Variants in SYT7 observed in about 807,000 individuals in gnomAD.
The protein encoded by SYT7 is synaptotagmin 7.
In SYT7, 29 loss-of-function variants were observed where a neutral mutation model predicts 75.1. That is an observed-to-expected ratio of 0.39 (90% CI 0.29 to 0.53). SYT7 has a LOEUF of 0.53. Ranked by LOEUF, SYT7 falls within the 20% of genes least tolerant of loss-of-function variation. The pLI is 0.77. For missense variants in SYT7, 693 were observed against 953.2 expected, an observed-to-expected ratio of 0.73 and a Z score of 3.59; for synonymous variants, 376 against 401.7, an observed-to-expected ratio of 0.94 and a Z score of 0.76.
At chr11:61,570,966 C>A (rs372199316) in intron 1 of SYT7, among the ~76,000 whole-genome samples, 4 of 152,150 alleles carry the variant, frequency 2.6e-5, no homozygotes, top group African/African-American at 9.7e-5. Context: ...ATTAACTCAT[C>A]GAATTTTCCC....
At chr11:61,530,408 C>T (rs762444954) in intron 8 of SYT7, among the ~76,000 whole-genome samples, 25 of 152,304 alleles carry the variant, frequency 1.6e-4, no homozygotes, top group Non-Finnish European at 2.8e-4. Context: ...TGCTTTTTCC[C>T]GACGCTCTTT....
intron 4 of SYT7, among the ~76,000 whole-genome samples, 158 bp downstream of exon 4, chr11:61,547,019 T>C (rs1271262200): frequency 9.4e-5 from 14 of 149,432 alleles, no homozygotes; most frequent in African/African-American, 3.5e-4. Context: ...GTCTCCATGG[T>C]CGGCCTGCCC....
chr11:61,542,859 C>T lies in SYT7; in HGVS notation c.573-280G>A, dbSNP rs991496299. 2.0e-5 allele frequency among the ~76,000 whole-genome samples: 3 copies of T among 152,220 alleles called. No homozygotes were observed. Among genetic ancestry groups the T allele is most frequent in the African/African-American group, 4.8e-5 (2 of 41,464 alleles). ...GTGCCAGAATACCTCCTGGCTAGGC[C>T]GACCTCCCTGCCGGTCTGAGTGGGC... On this transcript the variant is annotated intron_variant, in intron 5 of 12. Coordinates refer to ENST00000539008, the MANE Select transcript of SYT7 (RefSeq NM_001365809.2). The surrounding 1 kb of genome is among the most constrained non-coding windows in gnomAD (Gnocchi z 7.8).
chr11:61,520,266 G>A (rs545349821), intron 12 of SYT7, among the ~76,000 whole-genome samples: 49 of 151,890 alleles, frequency 3.2e-4, no homozygotes, highest in Non-Finnish European at 5.6e-4. Context: ...GCTGACGCCC[G>A]TAATCCCAGC....
At position 61,533,081 on chromosome 11, in the gene SYT7, C is replaced by T; in HGVS notation, c.1108G>A (p.Gly370Ser). The change falls in exon 8 of 13, where the codon GGC (glycine) becomes AGC (serine). Residue 370 changes from glycine to serine, a missense_variant. Physicochemically the swap from Gly to Ser is moderately conservative, Grantham distance 56. This residue lies in a region of SYT7 where 487 missense variants were observed against 593.2 expected (regional missense o/e 0.82). Coordinates refer to ENST00000539008, the MANE Select transcript of SYT7 (RefSeq NM_001365809.2). ...GKAVNTAPVP[G>S]QTPHDESDRR... ...TCGGACTCATCGTGGGGTGTCTGGC[C>T]TGGCACGGGGGCTGTGTTCACCGCC... is the stretch of plus-strand genomic sequence containing the variant. The T allele has an allele frequency of 6.2e-7, 1 of 1,611,142 alleles. No individual in the cohort carries two copies. Among genetic ancestry groups the T allele is most frequent in the Non-Finnish European group, 8.5e-7 (1 of 1,178,820 alleles).
At chr11:61,578,941 C>T (rs572449550) in intron 1 of SYT7, among the ~76,000 whole-genome samples, 95 of 152,322 alleles carry the variant, frequency 6.2e-4, no homozygotes, top group African/African-American at 2.2e-3. Flanking sequence ...GAGTTGAGGG[C>T]TGCCAGCACA....
intron 6 of SYT7, among the ~76,000 whole-genome samples, chr11:61,541,789 G>A (rs2063049817): frequency 6.6e-6 from 1 of 152,100 alleles, no homozygotes; most frequent in Non-Finnish European, 1.5e-5. Context: ...TAAATTGCAG[G>A]GGAGGAGGCA....
chr11:61,582,085 TACAC>T (rs36109978), upstream of SYT7, among the ~76,000 whole-genome samples: 68 of 147,768 alleles, frequency 4.6e-4, no homozygotes, highest in Middle Eastern at 3.4e-3. Flanking sequence ...ATCACCTACA[TACAC>T]ACACACACAC....
At chr11:61,520,835 A>G (rs944713946) in intron 12 of SYT7, among the ~76,000 whole-genome samples, 15 of 152,340 alleles carry the variant, frequency 9.8e-5, no homozygotes, top group African/African-American at 3.6e-4. Context: ...AAAACAAAAC[A>G]AAACGAAACA....
In SYT7 at chr11:61,556,776, A is replaced by T. The variant is rs375963495; in HGVS notation, c.32-569T>A. 2.4e-4 allele frequency among the ~76,000 whole-genome samples: 37 copies of T among 152,310 alleles called. 1 individual carries two copies. The highest frequency in any genetic ancestry group is 8.2e-4 in the African/African-American group (34 of 41,564). On this transcript the variant is annotated intron_variant, in intron 1 of 12. Transcript: ENST00000539008. Reference sequence around the variant, plus strand: ...AGACTCACCAGCCATATGTGTAGTCAAAGGAATCTCTGGAACCCTCTGGCC... The same window carrying T: ...AGACTCACCAGCCATATGTGTAGTCTAAGGAATCTCTGGAACCCTCTGGCC...
chr11:61,538,046 C>T (rs2062920293), intron 7 of SYT7, 98 bp downstream of exon 7: 4 of 1,487,216 alleles, frequency 2.7e-6, no homozygotes, highest in Non-Finnish European at 3.6e-6. Context: ...CTGAAGGCAC[C>T]ACCACCTCGT....
chr11:61,543,978 T>A (rs2063117217), intron 5 of SYT7, among the ~76,000 whole-genome samples: 1 of 152,226 alleles, frequency 6.6e-6, no homozygotes, highest in African/African-American at 2.4e-5. Flanking sequence ...GGGAAGCCAT[T>A]GCCTGTGGGC....
intron 1 of SYT7, among the ~76,000 whole-genome samples, chr11:61,572,663 C>A (rs1442698322): frequency 1.3e-5 from 2 of 152,146 alleles, no homozygotes; most frequent in Non-Finnish European, 2.9e-5. Flanking sequence ...GTCTGTGGAC[C>A]CACCAGGCAC....
chr11:61,553,438 C>T lies in SYT7; in HGVS notation c.136-1975G>A, dbSNP rs1464282625. Among the ~76,000 whole-genome samples, 2 of 152,208 alleles carry T rather than the reference C, an allele frequency of 1.3e-5. No homozygotes were observed. Among genetic ancestry groups the T allele is most frequent in the South Asian group, 2.1e-4 (1 of 4,830 alleles). The stretch of plus-strand genomic sequence containing the variant: ...CCAGCACCCTCTCGTAAGGCAGGGC[C>T]GCTGCCCCTTCCCCGAGGCCAGGAA... On this transcript the variant is annotated intron_variant, in intron 2 of 12. Coordinates refer to ENST00000539008, the MANE Select transcript of SYT7 (RefSeq NM_001365809.2). This position sits in a 1 kb window ranked among gnomAD's most constrained non-coding sequence, Gnocchi z 5.2.
chr11:61,536,290 G>A (rs1703289320), intron 7 of SYT7, among the ~76,000 whole-genome samples: 1 of 152,220 alleles, frequency 6.6e-6, no homozygotes, highest in Admixed American at 6.5e-5. Context: ...TGAGACCTAA[G>A]TGGCAAGGAG....
At chr11:61,565,650 C>A (rs2063747009) in intron 1 of SYT7, among the ~76,000 whole-genome samples, 1 of 152,244 alleles carries the variant, frequency 6.6e-6, no homozygotes, top group African/African-American at 2.4e-5. Context: ...CCCAGAAAAG[C>A]TGGGCCTTGG....
intron 1 of SYT7, among the ~76,000 whole-genome samples, chr11:61,559,111 G>T (rs1205198115): frequency 6.6e-6 from 1 of 152,114 alleles, no homozygotes; most frequent in African/African-American, 2.4e-5. Flanking sequence ...TCTCCCACGG[G>T]GTTGCTGTTA....
intron 1 of SYT7, among the ~76,000 whole-genome samples, chr11:61,578,538 T>C (rs531338701): frequency 6.6e-6 from 1 of 150,520 alleles, no homozygotes; most frequent in South Asian, 2.1e-4. Context: ...CAAGGGGAGA[T>C]GGGGAGGCAG....
chr11:61,539,210 C>G (rs1408398032), intron 6 of SYT7, among the ~76,000 whole-genome samples: 1 of 152,142 alleles, frequency 6.6e-6, no homozygotes, highest in Non-Finnish European at 1.5e-5. Flanking sequence ...TTTGAGGGAG[C>G]ACAGTCAAGG....
Sources: allele counts gnomAD v4.1 joint callset (sites outside exome capture counted in the v4.1 genomes callset), GRCh38; gene constraint gnomAD v4.1.1; regional missense constraint gnomAD v4.1.1; non-coding constraint Gnocchi (gnomAD v3.1); transcripts MANE v1.5; gene names NCBI Gene and HGNC (gene_info 2026-07-23, HGNC 2026-07-21).